Variants in KMT2A observed in about 807,000 individuals in gnomAD.
KMT2A encodes lysine methyltransferase 2A, also known as histone-lysine N-methyltransferase 2A.
In KMT2A, 16 loss-of-function variants were observed where a neutral mutation model predicts 345.3. The ratio of observed to expected loss-of-function variants is 0.05; its 90% confidence interval spans 0.03 to 0.07. The LOEUF is 0.07. Ranked by LOEUF, KMT2A falls within the 10% of genes least tolerant of loss-of-function variation. KMT2A has a pLI of 1.00. For synonymous variants in KMT2A, 1,599 were observed against 1,778.6 expected (o/e 0.90, Z 2.54); for missense variants, 3,272 against 4,841.6 (o/e 0.68, Z 9.62).
intron 32 of KMT2A, 71 bp downstream of exon 32, chr11:118,519,863 C>A (rs2135284715): frequency 1.3e-6 from 2 of 1,564,356 alleles, no homozygotes; most frequent in South Asian, 1.1e-5. Context: ...GTCATCTTCC[C>A]ACATACCCTT....
intron 31 of KMT2A, among the ~76,000 whole-genome samples, chr11:118,512,945 A>T (rs1426916371): frequency 6.6e-6 from 1 of 152,204 alleles, no homozygotes; most frequent in African/African-American, 2.4e-5. Context: ...AGCAAACACT[A>T]AAGATTTTAA....
intron 1 of KMT2A, among the ~76,000 whole-genome samples, chr11:118,437,471 A>C (rs201391355): frequency 2.6e-5 from 4 of 151,050 alleles, no homozygotes; most frequent in Non-Finnish European, 5.9e-5. Context: ...AAACCCGATG[A>C]ACCCTCGCGC....
chr11:118,467,454 A>G (rs533392657), intron 1 of KMT2A, among the ~76,000 whole-genome samples: 4 of 152,296 alleles, frequency 2.6e-5, no homozygotes. Flanking sequence ...AAATAGTCCA[A>G]TACTTTAATC....
intron 2 of KMT2A, 81 bp downstream of exon 2, chr11:118,468,925 A>G: frequency 9.5e-7 from 1 of 1,050,498 alleles, no homozygotes. Flanking sequence ...CTTTACATGT[A>G]AAGGATGCTC....
chr11:118,453,156 T>G lies in KMT2A; in HGVS notation c.433-15619T>G, dbSNP rs1949574847. Among the ~76,000 whole-genome samples the G allele has an allele frequency of 6.6e-5, 10 of 152,310 alleles. No homozygotes were observed. The South Asian group carries it at 2.1e-3, about 32-fold the overall frequency. On this transcript the variant is annotated intron_variant, in intron 1 of 35. Transcript: ENST00000534358. Reference sequence around the variant, plus strand: ...CGTCCACCTCTAGCTGCTACCTGATTCTTTTCTCCCTTTTCACAGCAAAAC... The same window carrying G: ...CGTCCACCTCTAGCTGCTACCTGATGCTTTTCTCCCTTTTCACAGCAAAAC...
At chr11:118,453,734 A>G (rs1289402584) in intron 1 of KMT2A, among the ~76,000 whole-genome samples, 1 of 152,226 alleles carries the variant, frequency 6.6e-6, no homozygotes, top group East Asian at 1.9e-4. Context: ...AGCACTTCAC[A>G]TGAATTATCT....
chr11:118,522,781 A>G lies in KMT2A; in HGVS notation c.*609A>G. 1 of 212,580 alleles carries G rather than the reference A, an allele frequency of 4.7e-6. No homozygotes were observed. The highest frequency in any genetic ancestry group is 7.1e-5 in the East Asian group (1 of 14,172). 13.2% of individuals were successfully genotyped at this position (212,580 alleles called of 1,614,324 possible). A position where few individuals can be genotyped will look rare whatever the true frequency, so the allele number is the denominator to read the frequency against. ...GGGTTGTGCCAATTAATTACCAAACATTGAGCCTGCAGGCTTTGAGTGGGA... is the reference window on the plus strand; with the variant it reads ...GGGTTGTGCCAATTAATTACCAAACGTTGAGCCTGCAGGCTTTGAGTGGGA... On this transcript the variant is annotated 3_prime_UTR_variant, in exon 36 of 36. Coordinates refer to ENST00000534358, the MANE Select transcript of KMT2A (RefSeq NM_001197104.2). This position sits in a 1 kb window ranked among gnomAD's most constrained non-coding sequence, Gnocchi z 5.4.
At chr11:118,485,772 G>A (rs545610880) in intron 10 of KMT2A, among the ~76,000 whole-genome samples, 1 of 152,286 alleles carries the variant, frequency 6.6e-6, no homozygotes, top group African/African-American at 2.4e-5. Flanking sequence ...TCTATAGGGA[G>A]CATGGGTTAA....
chr11:118,482,224 C>A, intron 7 of KMT2A, 132 bp downstream of exon 7: 1 of 1,084,028 alleles, frequency 9.2e-7, no homozygotes, highest in Non-Finnish European at 1.3e-6. Flanking sequence ...AGCTCTCTTT[C>A]TAACTATTAT....
At position 118,484,098 on chromosome 11, in the gene KMT2A, A is replaced by T; in HGVS notation, c.4087-85A>T. 1 of 1,286,344 alleles carries T rather than the reference A, an allele frequency of 7.8e-7. No individual in the cohort carries two copies. Among genetic ancestry groups the T allele is most frequent in the East Asian group, 2.3e-5 (1 of 42,882 alleles). 79.7% of individuals were successfully genotyped at this position (1,286,344 alleles called of 1,614,324 possible). A position where few individuals can be genotyped will look rare whatever the true frequency, so the allele number is the denominator to read the frequency against. On this transcript the variant is annotated intron_variant, in intron 8 of 35. Coordinates refer to ENST00000534358, the MANE Select transcript of KMT2A (RefSeq NM_001197104.2). The surrounding 1 kb of genome is among the most constrained non-coding windows in gnomAD (Gnocchi z 4.1). Reference sequence around the variant, plus strand: ...CATGTTTTTTAGATCTATTAATAAAATTTGTCATTTGCATTATTATCTGTT... The same window carrying T: ...CATGTTTTTTAGATCTATTAATAAATTTTGTCATTTGCATTATTATCTGTT...
chr11:118,500,218 T>G (rs1555045255), intron 24 of KMT2A, among the ~76,000 whole-genome samples: 1 of 152,228 alleles, frequency 6.6e-6, no homozygotes, highest in Non-Finnish European at 1.5e-5. Context: ...CATGCAGAAG[T>G]GCAGATTGTT....
At chr11:118,489,467 T>A (rs970930860) in intron 11 of KMT2A, among the ~76,000 whole-genome samples, 1 of 152,208 alleles carries the variant, frequency 6.6e-6, no homozygotes. Context: ...TCTTTTTACT[T>A]AGTCTGTCTT....
intron 27 of KMT2A, among the ~76,000 whole-genome samples, chr11:118,507,043 T>A (rs1950596862): frequency 6.6e-6 from 1 of 152,194 alleles, no homozygotes; most frequent in South Asian, 2.1e-4. Flanking sequence ...ATGTCTGTAA[T>A]CCCAGCACTT....
At position 118,473,910 on chromosome 11, in the gene KMT2A, T is replaced by C. The variant is rs782298932; in HGVS notation, c.2751T>C (p.Val917=). The C allele has an allele frequency of 1.9e-6, 3 of 1,614,170 alleles. No homozygotes were observed. The Admixed American group carries it at 5.0e-5, about 27-fold the overall frequency. The stretch of plus-strand genomic sequence containing the variant: ...GTAGGGTTTCCAAAGAGAAGGTTGT[T>C]GGTGAAGATGTTGCCACTTCATCTT... The part of the protein sequence containing the change: ...PVGRVSKEKV[V]GEDVATSSSA... Residue 917 remains valine, a synonymous_variant, in exon 3 of 36, where the codon GTT becomes GTC. Coordinates refer to ENST00000534358, the MANE Select transcript of KMT2A (RefSeq NM_001197104.2). This position sits in a 1 kb window ranked among gnomAD's most constrained non-coding sequence, Gnocchi z 5.2.
At chr11:118,474,997 G>A (rs1950009814) in intron 3 of KMT2A, among the ~76,000 whole-genome samples, 1 of 152,060 alleles carries the variant, frequency 6.6e-6, no homozygotes, top group Admixed American at 6.5e-5. Flanking sequence ...GCTGGGCGTG[G>A]TGATGCATGC....
At position 118,504,727 on chromosome 11, in the gene KMT2A, C is replaced by T. The variant is rs782184805; in HGVS notation, c.8835C>T (p.Pro2945=). Residue 2945 remains proline, a synonymous_variant, in exon 27 of 36, where the codon CCC becomes CCT. Coordinates refer to ENST00000534358, the MANE Select transcript of KMT2A (RefSeq NM_001197104.2). This position sits in a 1 kb window ranked among gnomAD's most constrained non-coding sequence, Gnocchi z 6.4. ...SVLTTRSPTV[P]SQNPSRLAVI... ...TGACCACCCGGAGTCCCACTGTCCC[C>T]AGCCAGAATCCCAGTAGACTAGCTG... 6.2e-7 allele frequency: 1 copy of T among 1,614,148 alleles called. No homozygotes were observed. The highest frequency in any genetic ancestry group is 8.5e-7 in the Non-Finnish European group (1 of 1,180,036).
chr11:118,498,300 T>C lies in KMT2A; in HGVS notation c.5803-70T>C. The C allele has an allele frequency of 2.1e-6, 3 of 1,417,276 alleles. No individual in the cohort carries two copies. The highest frequency in any genetic ancestry group is 1.3e-5 in the South Asian group (1 of 77,870). 87.8% of individuals were successfully genotyped at this position (1,417,276 alleles called of 1,614,324 possible). On this transcript the variant is annotated intron_variant, in intron 21 of 35. Coordinates refer to ENST00000534358, the MANE Select transcript of KMT2A (RefSeq NM_001197104.2). This position sits in a 1 kb window ranked among gnomAD's most constrained non-coding sequence, Gnocchi z 4.4. ...GGAACTGTAGAATGGGATGAGTCTA[T>C]AGAGGAGACGGTAAACGTCTTAAAA...
chr11:118,496,681 A>C lies in KMT2A; in HGVS notation c.5664+314A>C, dbSNP rs1950413897. On this transcript the variant is annotated intron_variant, in intron 20 of 35. Coordinates refer to ENST00000534358, the MANE Select transcript of KMT2A (RefSeq NM_001197104.2). This position sits in a 1 kb window ranked among gnomAD's most constrained non-coding sequence, Gnocchi z 4.7. The stretch of plus-strand genomic sequence containing the variant: ...CCTCAAGAATATTTTGTGAAAGTTA[A>C]TAAAATCTAAGTTGCATATTAAAAA... 6.6e-6 allele frequency among the ~76,000 whole-genome samples: 1 copy of C among 152,214 alleles called. No individual in the cohort carries two copies. Among genetic ancestry groups the C allele is most frequent in the South Asian group, 2.1e-4 (1 of 4,836 alleles).
At chr11:118,459,933 G>A (rs1257946665) in intron 1 of KMT2A, among the ~76,000 whole-genome samples, 1 of 152,108 alleles carries the variant, frequency 6.6e-6, no homozygotes, top group Non-Finnish European at 1.5e-5. Context: ...GACCTCAAGT[G>A]ATCTGCCTGC....
Sources: allele counts gnomAD v4.1 joint callset (sites outside exome capture counted in the v4.1 genomes callset), GRCh38; gene constraint gnomAD v4.1.1; non-coding constraint Gnocchi (gnomAD v3.1); transcripts MANE v1.5; gene names NCBI Gene and HGNC (gene_info 2026-07-23, HGNC 2026-07-21).